The following ZDHHC7 variants were observed in gnomAD, a reference collection of about 807,000 sequenced individuals.
ZDHHC7 encodes the protein zDHHC palmitoyltransferase 7.
Under a neutral mutation model 34.1 loss-of-function variants are expected in ZDHHC7, and 12 were observed. The ratio of observed to expected loss-of-function variants is 0.35; its 90% CI spans 0.23 to 0.57. The LOEUF is 0.57. Among genes scored for constraint, ZDHHC7 ranks in the 20% least tolerant of loss-of-function variants. The pLI is 0.84. For synonymous variants in ZDHHC7, 185 were observed against 155.4 expected (o/e 1.19, Z -1.42); for missense variants, 388 against 402.7 (o/e 0.96, Z 0.31).
upstream of ZDHHC7, among the ~76,000 whole-genome samples, chr16:85,013,822 G>C (rs1034707351): frequency 2.6e-5 from 4 of 152,002 alleles, no homozygotes; most frequent in African/African-American, 7.3e-5. Context: ...CAAGTAGCTG[G>C]GATTACAGGC....
the ZDHHC7 span, among the ~76,000 whole-genome samples, chr16:85,018,390 G>A: frequency 6.6e-6 from 1 of 152,104 alleles, no homozygotes; most frequent in Non-Finnish European, 1.5e-5. Context: ...TGGTCTGGCT[G>A]CTGGTTATAC....
At chr16:84,994,247 T>C (rs2143666611) in intron 2 of ZDHHC7, among the ~76,000 whole-genome samples, 1 of 152,344 alleles carries the variant, frequency 6.6e-6, no homozygotes, top group East Asian at 1.9e-4. Flanking sequence ...AAAAGGCAGA[T>C]GCAACAAAAA....
Position 84,981,953 on chromosome 16 carries a change from C to T in ZDHHC7, c.357G>A (p.Glu119=), listed in dbSNP as rs1158889425. The T allele has an allele frequency of 2.5e-6, 4 of 1,614,076 alleles. No individual in the cohort carries two copies. The highest frequency in any genetic ancestry group is 2.7e-5 in the African/African-American group (2 of 74,932). The change falls in exon 4 of 8, where the codon GAG becomes GAA. Residue 119 remains glutamate (E), a synonymous_variant. Transcript: ENST00000313732. ...CTTCCCCGGGCTTCAGCTGCAAGCT[C>T]TCCATGTATTCTTTCGTAGCGTTTC... ...PKGNATKEYM[E]SLQLKPGEVI...
rs963659718 is a variant in ZDHHC7 at position 84,974,829 on chromosome 16, G to C, written c.*1514C>G. On this transcript the variant is annotated 3_prime_UTR_variant, in exon 8 of 8. Transcript: ENST00000313732. ...CAGGTTTGCTCGCTTGGCTAGGACGGTGGCTCAGGTAGGTCCCTTTGTGGT... is the reference window on the plus strand; with the variant it reads ...CAGGTTTGCTCGCTTGGCTAGGACGCTGGCTCAGGTAGGTCCCTTTGTGGT... 1 of 152,720 alleles carries C rather than the reference G, an allele frequency of 6.5e-6. No individual in the cohort carries two copies. Among genetic ancestry groups the C allele is most frequent in the African/African-American group, 2.4e-5 (1 of 41,432 alleles). The allele number at this position is 152,720 out of a possible 1,614,324, so 9.5% of individuals were successfully genotyped here.
At chr16:85,017,964 C>T in the ZDHHC7 span, among the ~76,000 whole-genome samples, 1 of 152,120 alleles carries the variant, frequency 6.6e-6, no homozygotes, top group African/African-American at 2.4e-5. Context: ...ACTGTGGTGC[C>T]ACCCATTTTT....
rs538820177 is a variant in ZDHHC7, at chr16:84,998,815, G to A, written c.-103-2808C>T. 1.2e-4 allele frequency among the ~76,000 whole-genome samples: 17 copies of A among 147,486 alleles called. No individual in the cohort carries two copies. In the South Asian group the frequency reaches 2.6e-3, roughly 23 times the overall value. ...TTTGCCCAGGCTGGAGTGCAGTGGCGCGATCTCGGCTCACCGCAACTTCCG... is the reference window on the plus strand; with the variant it reads ...TTTGCCCAGGCTGGAGTGCAGTGGCACGATCTCGGCTCACCGCAACTTCCG... On this transcript the variant is annotated intron_variant, in intron 1 of 7. Coordinates refer to ENST00000313732, the MANE Select transcript of ZDHHC7 (RefSeq NM_017740.3).
chr16:85,016,948 C>G, the ZDHHC7 span, among the ~76,000 whole-genome samples: 30,884 of 150,518 alleles, frequency 0.21, 3,249 homozygotes, highest in Admixed American at 0.3. Flanking sequence ...TTTTCTTTTG[C>G]TTTTTTTTTG....
In ZDHHC7 at chr16:84,975,083, C is replaced by A. The variant is rs570959187; in HGVS notation, c.*1260G>T. 25 of 152,786 alleles carry A rather than the reference C, an allele frequency of 1.6e-4. No individual in the cohort carries two copies. The highest frequency in any genetic ancestry group is 6.0e-4 in the African/African-American group (25 of 41,570). 9.5% of individuals were successfully genotyped at this position (152,786 alleles called of 1,614,324 possible). On this transcript the variant is annotated 3_prime_UTR_variant, in exon 8 of 8. Transcript: ENST00000313732. ...AACCAGGCAAGTTTAAGGCAAGGCC[C>A]CACGAGGGGAGCTGTTGGCTTTCTG...
In ZDHHC7 at chr16:84,996,765, A is replaced by T. The variant is rs1192554650; in HGVS notation, c.-103-758T>A. ...AAGTCCAGGCCAGGCGCGGTGGCTC[A>T]CGCCTGTAATCCCAGCACTTTGGGA... On this transcript the variant is annotated intron_variant, in intron 1 of 7. Coordinates refer to ENST00000313732, the MANE Select transcript of ZDHHC7 (RefSeq NM_017740.3). Among the ~76,000 whole-genome samples, 3 of 152,258 alleles carry T rather than the reference A, an allele frequency of 2.0e-5. No individual in the cohort carries two copies. The South Asian group carries it at 6.2e-4, about 32-fold the overall frequency.
chr16:84,986,658 G>C (rs956412745), intron 3 of ZDHHC7, among the ~76,000 whole-genome samples: 9 of 152,064 alleles, frequency 5.9e-5, no homozygotes, highest in Admixed American at 5.9e-4. Flanking sequence ...GTAGGCCTCT[G>C]ACCCCATCTT....
rs529721180 is a variant in ZDHHC7, at chr16:85,005,645, T to C, written c.-104+5641A>G. On this transcript the variant is annotated intron_variant, in intron 1 of 7. Coordinates refer to ENST00000313732, the MANE Select transcript of ZDHHC7 (RefSeq NM_017740.3). ...GAAAGTGCATTCTGTAATGAATAAA[T>C]TGAATGTTGGAAATATGGAATCTAA... 3.3e-5 allele frequency among the ~76,000 whole-genome samples: 5 copies of C among 152,310 alleles called. No homozygotes were observed. The East Asian group carries it at 9.6e-4, about 29-fold the overall frequency.
At chr16:85,024,576 T>C in the ZDHHC7 span, among the ~76,000 whole-genome samples, 1 of 152,242 alleles carries the variant, frequency 6.6e-6, no homozygotes, top group Non-Finnish European at 1.5e-5. Flanking sequence ...ACTTTACTGC[T>C]TCTCCTACCT....
intron 7 of ZDHHC7, among the ~76,000 whole-genome samples, 182 bp downstream of exon 7, chr16:84,976,913 T>C (rs75191708): frequency 2.6e-5 from 4 of 152,154 alleles, no homozygotes; most frequent in African/African-American, 9.7e-5. Flanking sequence ...AAACTGAGAC[T>C]AGAAATATGC....
At chr16:84,993,181 C>G (rs1292636112) in intron 2 of ZDHHC7, among the ~76,000 whole-genome samples, 1 of 151,592 alleles carries the variant, frequency 6.6e-6, no homozygotes, top group Non-Finnish European at 1.5e-5. Context: ...ATTAACCAGG[C>G]ATGGTGGCTT....
At chr16:84,997,512 C>T (rs1475859945) in intron 1 of ZDHHC7, among the ~76,000 whole-genome samples, 2 of 149,598 alleles carry the variant, frequency 1.3e-5, no homozygotes, top group Middle Eastern at 3.4e-3. Context: ...ACCTCGTGAT[C>T]CGCCCGCCTC....
intron 1 of ZDHHC7, among the ~76,000 whole-genome samples, chr16:84,996,682 C>A (rs1317510563): frequency 6.6e-6 from 1 of 152,104 alleles, no homozygotes; most frequent in Non-Finnish European, 1.5e-5. Context: ...CACAGGGAAA[C>A]CCCCGCCACG....
rs528671517 is a variant in ZDHHC7, at chr16:84,983,352, G to A, written c.316-1358C>T. 3.9e-5 allele frequency among the ~76,000 whole-genome samples: 6 copies of A among 152,290 alleles called. 1 individual carries two copies. The highest frequency in any genetic ancestry group is 4.1e-4 in the South Asian group (2 of 4,828). ...AAATGCAGGTGCCTCGCTGGGCTCC[G>A]GAGCCACAGATCTGAACCTCTGCAG... On this transcript the variant is annotated intron_variant, in intron 3 of 7. Transcript: ENST00000313732.
At chr16:84,979,033 T>A (rs1409713065) in intron 5 of ZDHHC7, among the ~76,000 whole-genome samples, 156 bp downstream of exon 5, 1 of 152,216 alleles carries the variant, frequency 6.6e-6, no homozygotes, top group African/African-American at 2.4e-5. Flanking sequence ...TTGGGACTAC[T>A]TCCTGCCAAT....
At chr16:85,010,126 C>A (rs985880363) in intron 1 of ZDHHC7, among the ~76,000 whole-genome samples, 2 of 149,846 alleles carry the variant, frequency 1.3e-5, no homozygotes, top group Non-Finnish European at 3.0e-5. Context: ...CTCAAGTGAT[C>A]CCCCCACCTC....
Sources: allele counts gnomAD v4.1 joint callset (sites outside exome capture counted in the v4.1 genomes callset), GRCh38; gene constraint gnomAD v4.1.1; transcripts MANE v1.5; gene names NCBI Gene and HGNC (gene_info 2026-07-23, HGNC 2026-07-21).